Variants in BCR observed in about 807,000 individuals in gnomAD.
BCR encodes the protein breakpoint cluster region protein.
BCR carries 58 observed loss-of-function variants against 138.6 expected under a neutral mutation model. The ratio of observed to expected loss-of-function variants is 0.42; its 90% CI spans 0.34 to 0.52. The LOEUF is 0.52. Ranked by LOEUF, BCR falls within the 20% of genes least tolerant of loss-of-function variation. The pLI, the probability that BCR is intolerant of heterozygous loss-of-function variation, is 0.06. For missense variants in BCR, 1,599 were observed against 1,727.2 expected (o/e 0.93, Z 1.32); for synonymous variants, 786 against 730.1 (o/e 1.08, Z -1.23).
At chr22:23,222,546 A>G (rs1219275537) in intron 1 of BCR, among the ~76,000 whole-genome samples, 1 of 150,884 alleles carries the variant, frequency 6.6e-6, no homozygotes, top group African/African-American at 2.4e-5. Flanking sequence ...TAGATTTTGT[A>G]GAGAAGGCTA....
intron 4 of BCR, chr22:23,263,176 G>C (rs898016499): frequency 1.4e-4 from 117 of 825,748 alleles, no homozygotes; most frequent in Middle Eastern, 6.8e-4. Context: ...GAGGCGGCTC[G>C]GGAGTCAGCC....
At chr22:23,293,808 C>A (rs2073816227) in intron 15 of BCR, among the ~76,000 whole-genome samples, 2 of 152,078 alleles carry the variant, frequency 1.3e-5, no homozygotes, top group Admixed American at 6.5e-5. Flanking sequence ...ACACACACAC[C>A]CACCCCCTCC....
At chr22:23,280,010 TC>T (rs1224959909) in intron 8 of BCR, among the ~76,000 whole-genome samples, 1 of 152,174 alleles carries the variant, frequency 6.6e-6, no homozygotes, top group Admixed American at 6.5e-5. Flanking sequence ...AAAGGACCTC[TC>T]TTTTTTTCCT....
chr22:23,290,693 C>A, intron 14 of BCR: 1 of 453,878 alleles, frequency 2.2e-6, no homozygotes, highest in Non-Finnish European at 4.1e-6. Flanking sequence ...AGGGGTTTGG[C>A]AAGGACTTTG....
At chr22:23,244,938 G>GGT (rs1317228589) in intron 1 of BCR, among the ~76,000 whole-genome samples, 1 of 152,214 alleles carries the variant, frequency 6.6e-6, no homozygotes, top group Non-Finnish European at 1.5e-5. Context: ...CTTAGGCACA[G>GGT]GTGGGTCCTT....
intron 1 of BCR, among the ~76,000 whole-genome samples, chr22:23,211,492 C>T (rs115091774): frequency 0.032 from 4,625 of 146,780 alleles, 263 homozygotes; most frequent in African/African-American, 0.11. Flanking sequence ...CCACTGCGCC[C>T]GGCCCTTTTT....
chr22:23,315,240 C>T (rs1321674786), intron 22 of BCR, among the ~76,000 whole-genome samples, 193 bp from the exon 23 acceptor site: 343 of 150,228 alleles, frequency 2.3e-3, no homozygotes, highest in Admixed American at 9.7e-3. Flanking sequence ...AAATAAATAA[C>T]CACCCCCCAC....
rs138410966 is a variant in BCR, at chr22:23,290,247, C to T, written c.2708-92C>T. The T allele has an allele frequency of 1.8e-4, 225 of 1,284,910 alleles. 1 individual carries two copies. In the East Asian group the frequency reaches 5.1e-3, roughly 29 times the overall value. The allele number at this position is 1,284,910 out of a possible 1,614,324, so 79.6% of individuals were successfully genotyped here. A position where few individuals can be genotyped will look rare whatever the true frequency, so the allele number is the denominator to read the frequency against. On this transcript the variant is annotated intron_variant, in intron 13 of 22. Transcript: ENST00000305877. ...AGGCAGATGGCAGCCACACAGTGTC[C>T]ACCGGATGGTTGATTTTGAAGCAGA...
At position 23,289,601 on chromosome 22, in the gene BCR, C is replaced by T. The variant is rs1466337911; in HGVS notation, c.2687C>T (p.Pro896Leu). The T allele has an allele frequency of 1.6e-5, 25 of 1,612,190 alleles. No individual in the cohort carries two copies. The highest frequency in any genetic ancestry group is 2.7e-5 in the African/African-American group (2 of 73,698). ...CVKLQTVHSI[P>L]LTINKEDDES... ...AAACTCCAGACTGTCCACAGCATTC[C>T]GCTGACCATCAATAAGGAAGGTGGG... Residue 896 changes from proline (P) to leucine (L), a missense_variant, in exon 13 of 23, where the codon CCG becomes CTG. This residue lies in a region of BCR where 590 missense variants were observed against 762.4 expected (regional missense o/e 0.77). Coordinates refer to ENST00000305877, the MANE Select transcript of BCR (RefSeq NM_004327.4).
At chr22:23,287,083 G>A in intron 10 of BCR, 76 bp from the exon 11 acceptor site, 1 of 1,549,532 alleles carries the variant, frequency 6.5e-7, no homozygotes, top group Non-Finnish European at 8.7e-7. Context: ...GCAGCTGGTG[G>A]TGGGGATGGA....
chr22:23,219,438 C>T (rs905541436), intron 1 of BCR, among the ~76,000 whole-genome samples: 1 of 152,216 alleles, frequency 6.6e-6, no homozygotes, highest in African/African-American at 2.4e-5. Context: ...TGACCTTGTC[C>T]CTTTGGCTGT....
At chr22:23,259,777 T>C (rs1165446695) in intron 2 of BCR, among the ~76,000 whole-genome samples, 2 of 152,150 alleles carry the variant, frequency 1.3e-5, no homozygotes, top group Non-Finnish European at 2.9e-5. Flanking sequence ...CGCCTCGGCC[T>C]CCCAAACTGC....
At chr22:23,209,757 A>G (rs1156914691) in intron 1 of BCR, among the ~76,000 whole-genome samples, 2 of 152,012 alleles carry the variant, frequency 1.3e-5, no homozygotes, top group Non-Finnish European at 2.9e-5. Flanking sequence ...GTTAGCCAGG[A>G]TGGTCTTGAT....
chr22:23,262,570 C>T (rs2073373892), intron 4 of BCR, among the ~76,000 whole-genome samples: 5 of 152,212 alleles, frequency 3.3e-5, no homozygotes, highest in Admixed American at 2.0e-4. Flanking sequence ...CCCGTTTCTC[C>T]GTGTGTGTGT....
intron 4 of BCR, chr22:23,262,824 C>T (rs1050261896): frequency 3.0e-6 from 3 of 1,014,990 alleles, no homozygotes; most frequent in Non-Finnish European, 3.5e-6. Flanking sequence ...AGGGGCAAGG[C>T]GGAAGAGGAA....
intron 1 of BCR, among the ~76,000 whole-genome samples, chr22:23,220,585 C>T (rs951574911): frequency 4.6e-5 from 7 of 152,160 alleles, no homozygotes; most frequent in African/African-American, 1.4e-4. Context: ...CTGGGGAGTG[C>T]GTTTCTTCTC....
chr22:23,230,974 G>A (rs909191161), intron 1 of BCR, among the ~76,000 whole-genome samples: 1 of 152,152 alleles, frequency 6.6e-6, no homozygotes, highest in Non-Finnish European at 1.5e-5. Context: ...AACGGGGCCC[G>A]ACTCACCCTC....
chr22:23,226,784 C>T (rs1383294254), intron 1 of BCR, among the ~76,000 whole-genome samples: 1 of 152,114 alleles, frequency 6.6e-6, no homozygotes, highest in Non-Finnish European at 1.5e-5. Context: ...AAAGTTTGAC[C>T]CCTGCTTTAG....
intron 1 of BCR, among the ~76,000 whole-genome samples, chr22:23,233,760 A>C (rs1335717400): frequency 4.0e-5 from 6 of 150,536 alleles, no homozygotes; most frequent in African/African-American, 7.3e-5. Context: ...ACTGCACGCC[A>C]GCCTGGGTGA....
Sources: allele counts gnomAD v4.1 joint callset (sites outside exome capture counted in the v4.1 genomes callset), GRCh38; gene constraint gnomAD v4.1.1; regional missense constraint gnomAD v4.1.1; transcripts MANE v1.5; gene names NCBI Gene and HGNC (gene_info 2026-07-23, HGNC 2026-07-21).